The following THEMIS variants were observed in gnomAD, a reference collection of about 807,000 sequenced individuals.
The protein encoded by THEMIS is protein THEMIS.
Under a neutral mutation model 52.6 loss-of-function variants are expected in THEMIS, and 37 were observed. That is an observed-to-expected ratio of 0.70 (90% CI 0.54 to 0.93). The LOEUF (loss-of-function observed/expected upper bound fraction) is 0.93, where lower values mean the gene tolerates loss of function less well. THEMIS is among the 40% of genes least tolerant of loss of function. The pLI is 0.00. For missense variants in THEMIS, 808 were observed against 763.1 expected (o/e 1.06, Z -0.69); for synonymous variants, 292 against 272.7 (o/e 1.07, Z -0.70).
intron 2 of THEMIS, among the ~76,000 whole-genome samples, chr6:127,848,373 T>C (rs1045072066): frequency 1.2e-4 from 18 of 152,038 alleles, no homozygotes; most frequent in Admixed American, 9.2e-4. Context: ...TGAATAGTGC[T>C]GCAATAAACA....
intron 4 of THEMIS, among the ~76,000 whole-genome samples, chr6:127,781,529 A>G (rs1776743365): frequency 6.6e-6 from 1 of 151,770 alleles, no homozygotes; most frequent in Non-Finnish European, 1.5e-5. Flanking sequence ...TTGTGGATTT[A>G]TCTATCTTTT....
At chr6:127,896,675 A>G (rs1780977078) in intron 1 of THEMIS, among the ~76,000 whole-genome samples, 1 of 151,566 alleles carries the variant, frequency 6.6e-6, no homozygotes, top group Non-Finnish European at 1.5e-5. Flanking sequence ...TAATAAATTG[A>G]GAGAACTTGT....
chr6:127,876,367 T>C (rs1780313507), intron 1 of THEMIS, among the ~76,000 whole-genome samples: 1 of 152,198 alleles, frequency 6.6e-6, no homozygotes, highest in Non-Finnish European at 1.5e-5. Flanking sequence ...GATTCATTGA[T>C]GCAGAAAAAT....
intron 4 of THEMIS, among the ~76,000 whole-genome samples, chr6:127,750,997 C>T (rs746940908): frequency 2.0e-5 from 3 of 151,576 alleles, no homozygotes; most frequent in Non-Finnish European, 3.0e-5. Flanking sequence ...TGAAAGAATG[C>T]TAATTAGCAA....
intron 1 of THEMIS, among the ~76,000 whole-genome samples, chr6:127,911,683 T>C (rs1343433837): frequency 6.6e-6 from 1 of 151,456 alleles, no homozygotes; most frequent in African/African-American, 2.5e-5. Context: ...TTTCTATCCT[T>C]CCACTCCAGT....
intron 4 of THEMIS, among the ~76,000 whole-genome samples, chr6:127,779,634 A>T (rs2114475668): frequency 6.6e-6 from 1 of 152,308 alleles, no homozygotes; most frequent in East Asian, 1.9e-4. Flanking sequence ...TGGTGTAGGA[A>T]GTGCTATAAT....
At position 127,868,375 on chromosome 6, in the gene THEMIS, T is replaced by C. The variant is rs1434140867; in HGVS notation, c.92-13187A>G. 5 of 946,186 alleles carry C rather than the reference T, an allele frequency of 5.3e-6. No individual in the cohort carries two copies. In the Admixed American group the frequency reaches 3.1e-4, roughly 59 times the overall value. 58.6% of individuals were successfully genotyped at this position (946,186 alleles called of 1,614,324 possible). ...GGGCTTTGTTTTCCCTTAATAAAAATTGGTATTTTCTTTGCCAATATTTCT... is the reference window on the plus strand; with the variant it reads ...GGGCTTTGTTTTCCCTTAATAAAAACTGGTATTTTCTTTGCCAATATTTCT... On this transcript the variant is annotated intron_variant, in intron 1 of 5. Coordinates refer to ENST00000368248, the MANE Select transcript of THEMIS (RefSeq NM_001010923.3).
At chr6:127,916,976 T>C (rs143871352) in intron 1 of THEMIS, among the ~76,000 whole-genome samples, 1 of 152,336 alleles carries the variant, frequency 6.6e-6, no homozygotes, top group African/African-American at 2.4e-5. Context: ...CTGACAAGCA[T>C]CAGAAACTTC....
the THEMIS span, among the ~76,000 whole-genome samples, chr6:127,698,837 G>A: frequency 8.7e-6 from 1 of 114,546 alleles, no homozygotes; most frequent in African/African-American, 2.9e-5. Flanking sequence ...AAATTGTATG[G>A]CTTAAAAAAA....
chr6:127,802,415 G>A (rs1777566631), intron 4 of THEMIS, among the ~76,000 whole-genome samples: 1 of 152,200 alleles, frequency 6.6e-6, no homozygotes, highest in Non-Finnish European at 1.5e-5. Flanking sequence ...TGAGGTGGCA[G>A]GGGCCAAGTG....
intron 2 of THEMIS, among the ~76,000 whole-genome samples, chr6:127,850,853 C>A (rs1475684737): frequency 1.3e-5 from 2 of 151,536 alleles, no homozygotes; most frequent in Non-Finnish European, 3.0e-5. Flanking sequence ...TCCATGTAAT[C>A]AAAAACTACT....
upstream of THEMIS, among the ~76,000 whole-genome samples, chr6:127,905,954 AT>A (rs1202074731): frequency 0.018 from 2,650 of 151,326 alleles, 84 homozygotes; most frequent in African/African-American, 0.06. Context: ...AAATGAAATA[AT>A]TACATTTAAA....
the THEMIS span, among the ~76,000 whole-genome samples, chr6:127,698,530 T>C: frequency 6.6e-6 from 1 of 152,090 alleles, no homozygotes; most frequent in East Asian, 1.9e-4. Context: ...AAGGTTACTC[T>C]TTCTGGCTGA....
chr6:127,881,639 G>T (rs927978167), intron 1 of THEMIS, among the ~76,000 whole-genome samples: 1 of 151,802 alleles, frequency 6.6e-6, no homozygotes, highest in Non-Finnish European at 1.5e-5. Flanking sequence ...AACACAAAAA[G>T]TTTTCTGGCA....
chr6:127,823,093 C>G (rs1012914730), intron 3 of THEMIS, among the ~76,000 whole-genome samples: 15 of 152,022 alleles, frequency 9.9e-5, no homozygotes, highest in Non-Finnish European at 1.6e-4. Flanking sequence ...AAAATCCTAA[C>G]AAGGCATTAA....
intron 3 of THEMIS, among the ~76,000 whole-genome samples, chr6:127,819,118 TAAAAAAAAAAAAAAAAAAAA>T (rs142123167): frequency 5.1e-5 from 1 of 19,470 alleles, no homozygotes; most frequent in South Asian, 4.8e-3. Context: ...AGACTCTGTC[TAAAAAAAAAAAAAAAAAAAA>T]AAAAAAAAAA....
intron 1 of THEMIS, among the ~76,000 whole-genome samples, chr6:127,894,417 A>G (rs1780902127): frequency 6.6e-6 from 1 of 152,032 alleles, no homozygotes; most frequent in Non-Finnish European, 1.5e-5. Flanking sequence ...AACAAAATTA[A>G]TAGCTACTGG....
At chr6:127,914,998 T>C (rs1781490486) in intron 1 of THEMIS, among the ~76,000 whole-genome samples, 1 of 152,210 alleles carries the variant, frequency 6.6e-6, no homozygotes, top group South Asian at 2.1e-4. Flanking sequence ...CTTATTGATA[T>C]TGAACCATTT....
At chr6:127,875,266 T>C (rs1780280329) in intron 1 of THEMIS, among the ~76,000 whole-genome samples, 1 of 152,234 alleles carries the variant, frequency 6.6e-6, no homozygotes, top group Non-Finnish European at 1.5e-5. Context: ...ATAAAGAGTT[T>C]ATTTTGTTTA....
Sources: allele counts gnomAD v4.1 joint callset (sites outside exome capture counted in the v4.1 genomes callset), GRCh38; gene constraint gnomAD v4.1.1; transcripts MANE v1.5; gene names NCBI Gene and HGNC (gene_info 2026-07-23, HGNC 2026-07-21).